Variants in HDAC9 observed in about 807,000 individuals in gnomAD.
HDAC9 encodes MEF-2 interacting transcription repressor (MITR) protein.
Under a neutral mutation model 139.4 loss-of-function variants are expected in HDAC9, and 41 were observed. The observed-to-expected ratio is 0.29, with a 90% CI of 0.23 to 0.38. The LOEUF is 0.38. Among genes scored for constraint, HDAC9 ranks in the 10% least tolerant of loss-of-function variants. The pLI is 1.00. For missense variants in HDAC9, 1,147 were observed against 1,297.0 expected, an observed-to-expected ratio of 0.88 and a Z score of 1.78; for synonymous variants, 517 against 476.2, an observed-to-expected ratio of 1.09 and a Z score of -1.12.
At chr7:18,216,434 A>G (rs1336185654) in intron 2 of HDAC9, among the ~76,000 whole-genome samples, 1 of 152,038 alleles carries the variant, frequency 6.6e-6, no homozygotes, top group Non-Finnish European at 1.5e-5. Flanking sequence ...AATGTTGGTG[A>G]TAGGCATCTG....
intron 2 of HDAC9, among the ~76,000 whole-genome samples, chr7:18,527,351 C>T (rs1807285909): frequency 6.6e-6 from 1 of 152,050 alleles, no homozygotes; most frequent in South Asian, 2.1e-4. Flanking sequence ...ACAGTTGCCT[C>T]CCTCTCCTTT....
intron 6 of HDAC9, among the ~76,000 whole-genome samples, chr7:18,611,704 C>T (rs953512444): frequency 6.6e-6 from 1 of 151,994 alleles, no homozygotes; most frequent in African/African-American, 2.4e-5. Flanking sequence ...AATTAAGTAC[C>T]ATGTAGCATC....
At chr7:18,843,322 CT>C (rs1365362685) in intron 21 of HDAC9, among the ~76,000 whole-genome samples, 17 of 152,002 alleles carry the variant, frequency 1.1e-4, no homozygotes, top group African/African-American at 4.1e-4. Flanking sequence ...GAAATGAAAT[CT>C]TTTTATGAAA....
At chr7:18,554,897 C>G (rs1818326308) in intron 2 of HDAC9, among the ~76,000 whole-genome samples, 1 of 152,172 alleles carries the variant, frequency 6.6e-6, no homozygotes, top group Non-Finnish European at 1.5e-5. Flanking sequence ...AGGGTCCTTT[C>G]TATCTTCTCA....
At chr7:18,733,123 A>T (rs1222937785) in intron 13 of HDAC9, among the ~76,000 whole-genome samples, 1 of 143,336 alleles carries the variant, frequency 7.0e-6, no homozygotes, top group African/African-American at 2.7e-5. Context: ...ATGTGTATAC[A>T]TGTATATATA....
chr7:18,724,656 T>C lies in HDAC9; in HGVS notation c.1732-2924T>C, dbSNP rs138710637. Among the ~76,000 whole-genome samples, 486 of 152,216 alleles carry C rather than the reference T, an allele frequency of 3.2e-3. 3 individuals carry two copies. Among genetic ancestry groups the C allele is most frequent in the African/African-American group, 0.011 (465 of 41,548 alleles). The stretch of plus-strand genomic sequence containing the variant: ...GACATTAGGAAGGCTCATACGTCAG[T>C]AGGTGAAAGGGATTTTTGTGTTCCA... On this transcript the variant is annotated intron_variant, in intron 12 of 25. Coordinates refer to ENST00000686413, the MANE Select transcript of HDAC9 (RefSeq NM_178425.4).
At chr7:18,751,317 C>A (rs1384723230) in intron 14 of HDAC9, among the ~76,000 whole-genome samples, 1 of 152,010 alleles carries the variant, frequency 6.6e-6, no homozygotes, top group Non-Finnish European at 1.5e-5. Flanking sequence ...ACAAATAATA[C>A]ACTCACAAGC....
chr7:18,889,000 A>G (rs1454074254), intron 22 of HDAC9, among the ~76,000 whole-genome samples: 1 of 152,218 alleles, frequency 6.6e-6, no homozygotes, highest in East Asian at 1.9e-4. Flanking sequence ...TTTACCAAAC[A>G]ATTGACTATC....
intron 16 of HDAC9, among the ~76,000 whole-genome samples, chr7:18,777,544 G>A (rs1185243843): frequency 6.6e-6 from 1 of 151,832 alleles, no homozygotes; most frequent in African/African-American, 2.4e-5. Context: ...GTTTCGTGTT[G>A]TATTTATATA....
intron 1 of HDAC9, among the ~76,000 whole-genome samples, chr7:18,149,708 G>A (rs557321189): frequency 9.2e-5 from 14 of 151,666 alleles, no homozygotes; most frequent in Admixed American, 4.6e-4. Flanking sequence ...CCACCACCAC[G>A]CCCAACTAAT....
At chr7:18,839,204 G>T (rs924727088) in intron 21 of HDAC9, among the ~76,000 whole-genome samples, 2 of 151,750 alleles carry the variant, frequency 1.3e-5, no homozygotes, top group African/African-American at 4.8e-5. Flanking sequence ...ATTTTTATTG[G>T]GGTCTTACAT....
intron 2 of HDAC9, among the ~76,000 whole-genome samples, chr7:18,247,857 A>G (rs1794656281): frequency 6.6e-6 from 1 of 152,198 alleles, no homozygotes; most frequent in South Asian, 2.1e-4. Context: ...AACACTAATA[A>G]TAAGCTTAAT....
chr7:18,133,201 A>ATT (rs1785141805), intron 1 of HDAC9, among the ~76,000 whole-genome samples: 2 of 152,232 alleles, frequency 1.3e-5, no homozygotes, highest in Non-Finnish European at 2.9e-5. Context: ...CTGGCTCAAA[A>ATT]TAGAACAAAT....
chr7:19,000,206 C>T lies in HDAC9; in HGVS notation c.*4144C>T, dbSNP rs1384263657. 1 of 152,210 alleles carries T rather than the reference C, an allele frequency of 6.6e-6. No individual in the cohort carries two copies. The highest frequency in any genetic ancestry group is 1.5e-5 in the Non-Finnish European group (1 of 68,040). 9.4% of individuals were successfully genotyped at this position (152,210 alleles called of 1,614,324 possible). A position where few individuals can be genotyped will look rare whatever the true frequency, so the allele number is the denominator to read the frequency against. On this transcript the variant is annotated 3_prime_UTR_variant, in exon 26 of 26. Transcript: ENST00000686413. The stretch of plus-strand genomic sequence containing the variant: ...TCAAATTTCTTGTTTCCAAAGGCCA[C>T]TATTGTAGTACAGTCTCCAGCAGGA...
At chr7:18,636,141 A>G (rs1783805972) in intron 8 of HDAC9, among the ~76,000 whole-genome samples, 1 of 152,082 alleles carries the variant, frequency 6.6e-6, no homozygotes, top group Non-Finnish European at 1.5e-5. Context: ...AGGGCCTCAG[A>G]AACTCAAGAG....
At position 18,666,409 on chromosome 7, in the gene HDAC9, T is replaced by C. The variant is rs1794905791; in HGVS notation, c.1664T>C (p.Val555Ala). Residue 555 changes from valine to alanine, a missense_variant, in exon 12 of 26, where the codon GTG becomes GCG. Physicochemically the swap from Val to Ala is moderately conservative, Grantham distance 64. Around this residue, in one of 7 missense-constraint regions of HDAC9, gnomAD observed 256 missense variants for 219.2 expected, o/e 1.17. Coordinates refer to ENST00000686413, the MANE Select transcript of HDAC9 (RefSeq NM_178425.4). ...GCTGTGAAGGTCAAGGAGGAACCAGTGGACAGTGATGAAGATGCTCAGATC... is the reference window on the plus strand; with the variant it reads ...GCTGTGAAGGTCAAGGAGGAACCAGCGGACAGTGATGAAGATGCTCAGATC... Reference protein sequence around the residue: ...VGAVKVKEEPVDSDEDAQIQE... With the variant: ...VGAVKVKEEPADSDEDAQIQE... The C allele has an allele frequency of 1.2e-6, 2 of 1,612,894 alleles. No homozygotes were observed. Among genetic ancestry groups the C allele is most frequent in the East Asian group, 2.2e-5 (1 of 44,638 alleles).
intron 24 of HDAC9, among the ~76,000 whole-genome samples, chr7:18,962,973 A>G (rs1783620080): frequency 6.6e-6 from 1 of 152,178 alleles, no homozygotes; most frequent in Non-Finnish European, 1.5e-5. Context: ...TTTCGATTAA[A>G]GGATCTATAT....
chr7:18,496,887 G>T (rs1263247861), intron 2 of HDAC9: 1 of 152,158 alleles, frequency 6.6e-6, no homozygotes, highest in Non-Finnish European at 1.5e-5. Context: ...AAATAAAATT[G>T]TTATTAGCAG....
chr7:18,706,947 G>C (rs1274277283), intron 12 of HDAC9, among the ~76,000 whole-genome samples: 1 of 152,178 alleles, frequency 6.6e-6, no homozygotes, highest in Non-Finnish European at 1.5e-5. Flanking sequence ...GACAGAGAAG[G>C]CTCCCCAGAC....
Sources: gnomAD v4.1 joint callset for allele counts (sites outside exome capture counted in the v4.1 genomes callset) on GRCh38, gnomAD v4.1.1 for gene constraint, gnomAD v4.1.1 regional missense constraint, MANE v1.5 for transcripts, NCBI Gene and HGNC (gene_info 2026-07-23, HGNC 2026-07-21) for gene names.